Variants in CLHC1 observed in about 807,000 individuals in gnomAD.
CLHC1 encodes clathrin heavy chain linker domain-containing protein 1.
Under a neutral mutation model 69.5 loss-of-function variants are expected in CLHC1, and 72 were observed. The ratio of observed to expected loss-of-function variants is 1.04; its 90% CI spans 0.86 to 1.26. CLHC1 has a LOEUF of 1.26. Ranked by LOEUF, CLHC1 falls within the 50% of genes most tolerant of loss-of-function variation. CLHC1 has a pLI of 0.00. For missense variants in CLHC1, 790 were observed against 679.3 expected, an observed-to-expected ratio of 1.16 and a Z score of -1.81; for synonymous variants, 223 against 224.3, an observed-to-expected ratio of 0.99 and a Z score of 0.05.
intron 4 of CLHC1, among the ~76,000 whole-genome samples, chr2:55,213,562 T>C (rs926873003): frequency 2.6e-5 from 4 of 152,174 alleles, no homozygotes; most frequent in Non-Finnish European, 5.9e-5. Flanking sequence ...ACAGTAATTT[T>C]GATCCTAGAG....
chr2:55,229,424 C>T (rs777993985), intron 1 of CLHC1, among the ~76,000 whole-genome samples: 1 of 151,998 alleles, frequency 6.6e-6, no homozygotes, highest in African/African-American at 2.4e-5. Flanking sequence ...AGTCCAAAGG[C>T]CTCAGGGTGG....
At chr2:55,184,696 G>C (rs1670254305) in intron 9 of CLHC1, among the ~76,000 whole-genome samples, 2 of 152,030 alleles carry the variant, frequency 1.3e-5, no homozygotes, top group African/African-American at 4.8e-5. Context: ...CACAGGGTCA[G>C]GAGTTCGAGA....
At chr2:55,192,680 T>G (rs1390870690) in intron 9 of CLHC1, among the ~76,000 whole-genome samples, 1 of 152,026 alleles carries the variant, frequency 6.6e-6, no homozygotes, top group African/African-American at 2.4e-5. Context: ...CTCTAAATAT[T>G]TATAGTCAAT....
chr2:55,177,421 T>C lies in CLHC1; in HGVS notation c.1564+181A>G, dbSNP rs142139243. Among the ~76,000 whole-genome samples the C allele has an allele frequency of 1.6e-3, 244 of 152,326 alleles. 1 individual carries two copies. Among genetic ancestry groups the C allele is most frequent in the African/African-American group, 5.6e-3 (232 of 41,572 alleles). On this transcript the variant is annotated intron_variant, in intron 12 of 12. Coordinates refer to ENST00000401408, the MANE Select transcript of CLHC1 (RefSeq NM_152385.4). ...CCTTCATTCTAATTCTCTCAAGAAA[T>C]ATATCCTATTACCAATAGATTATTA...
chr2:55,222,971 C>A (rs1409488844), intron 2 of CLHC1, among the ~76,000 whole-genome samples: 1 of 149,472 alleles, frequency 6.7e-6, no homozygotes, highest in Admixed American at 6.7e-5. Context: ...CCATATGCTG[C>A]TGCTCTGGGA....
chr2:55,227,248 G>T lies in CLHC1; in HGVS notation c.-83+784C>A, dbSNP rs188139665. On this transcript the variant is annotated intron_variant, in intron 2 of 12. Coordinates refer to ENST00000401408, the MANE Select transcript of CLHC1 (RefSeq NM_152385.4). ...ATACATTTGTTTATTCATTCATTCA[G>T]TCAGTATTTATTGAGTGTCAACAAA... Among the ~76,000 whole-genome samples the T allele has an allele frequency of 2.6e-5, 4 of 152,056 alleles. No individual in the cohort carries two copies. The East Asian group carries it at 7.7e-4, about 29-fold the overall frequency.
Position 55,176,019 on chromosome 2 carries a change from C to T in CLHC1, c.1565-33G>A, listed in dbSNP as rs544032479. The T allele has an allele frequency of 4.6e-6, 7 of 1,511,552 alleles. 1 individual carries two copies. The highest frequency in any genetic ancestry group is 4.6e-5 in the South Asian group (4 of 87,264). The allele number at this position is 1,511,552 out of a possible 1,614,324, so 93.6% of individuals were successfully genotyped here. On this transcript the variant is annotated intron_variant, in intron 12 of 12. Transcript: ENST00000401408. ...GAAAAAATACAATATTATAGTATGG[C>T]ACTTATTTGATAATCTATACTTTAG...
intron 2 of CLHC1, among the ~76,000 whole-genome samples, chr2:55,223,030 T>C (rs921834413): frequency 1.3e-5 from 2 of 151,858 alleles, no homozygotes; most frequent in African/African-American, 2.4e-5. Context: ...TTGCTAACTA[T>C]GCACAACTCC....
chr2:55,209,430 T>A lies in CLHC1; in HGVS notation c.788A>T (p.Gln263Leu). The A allele has an allele frequency of 6.2e-7, 1 of 1,604,616 alleles. No homozygotes were observed. Among genetic ancestry groups the A allele is most frequent in the Non-Finnish European group, 8.5e-7 (1 of 1,176,678 alleles). The change falls in exon 7 of 13, where the codon CAA becomes CTA. Residue 263 changes from glutamine to leucine, a missense_variant. Transcript: ENST00000401408. Reference sequence around the variant, plus strand: ...TTGTAAATATTTGGTTTTCTGAATTTGCTCCACAAAGTCTTGAAATGGGCT... The same window carrying A: ...TTGTAAATATTTGGTTTTCTGAATTAGCTCCACAAAGTCTTGAAATGGGCT... ...MSSPFQDFVE[Q>L]IQKTKYLQGD... is the part of the protein sequence containing the mutation.
intron 12 of CLHC1, among the ~76,000 whole-genome samples, chr2:55,177,171 C>G (rs150990725): frequency 2.0e-5 from 3 of 152,242 alleles, no homozygotes; most frequent in African/African-American, 4.8e-5. Context: ...CTGCACCCAG[C>G]CTAATTAGTT....
chr2:55,187,457 A>G (rs1050934874), intron 9 of CLHC1, among the ~76,000 whole-genome samples: 4 of 151,958 alleles, frequency 2.6e-5, no homozygotes, highest in African/African-American at 9.7e-5. Flanking sequence ...TACCAAAAAT[A>G]CAAAAATTAA....
chr2:55,219,275 CTGTT>C (rs1392699717), intron 3 of CLHC1, among the ~76,000 whole-genome samples: 1 of 152,150 alleles, frequency 6.6e-6, no homozygotes, highest in Non-Finnish European at 1.5e-5. Flanking sequence ...GCTCCCAAGT[CTGTT>C]TGTTAGAAAA....
At chr2:55,223,248 T>C (rs918718109) in intron 2 of CLHC1, among the ~76,000 whole-genome samples, 1 of 152,282 alleles carries the variant, frequency 6.6e-6, no homozygotes, top group East Asian at 1.9e-4. Context: ...GTATTTATTT[T>C]TATAATAAAC....
intron 9 of CLHC1, among the ~76,000 whole-genome samples, chr2:55,191,396 T>C (rs1670913146): frequency 6.6e-6 from 1 of 152,060 alleles, no homozygotes; most frequent in Non-Finnish European, 1.5e-5. Context: ...CCACCATGCA[T>C]GGCTAATTTT....
intron 8 of CLHC1, chr2:55,206,682 C>A: frequency 3.8e-6 from 1 of 261,672 alleles, no homozygotes; most frequent in Non-Finnish European, 7.1e-6. Context: ...GAAGAAAGAA[C>A]TTGAATTTAT....
chr2:55,207,387 A>G (rs1425828573), intron 8 of CLHC1, among the ~76,000 whole-genome samples: 1 of 152,214 alleles, frequency 6.6e-6, no homozygotes, highest in Non-Finnish European at 1.5e-5. Flanking sequence ...CCACTAAAGT[A>G]ATATTAAGCA....
intron 4 of CLHC1, 115 bp from the exon 5 acceptor site, chr2:55,212,921 G>T: frequency 1.3e-6 from 1 of 748,102 alleles, no homozygotes; most frequent in Non-Finnish European, 2.2e-6. Context: ...TGGACTAGGT[G>T]AAATGCCCTG....
chr2:55,198,278 A>G (rs1324359899), intron 9 of CLHC1, among the ~76,000 whole-genome samples: 1 of 152,216 alleles, frequency 6.6e-6, no homozygotes, highest in African/African-American at 2.4e-5. Flanking sequence ...GATGGGGTAG[A>G]AAGTTTATTC....
intron 9 of CLHC1, among the ~76,000 whole-genome samples, chr2:55,189,447 G>T (rs1361455608): frequency 6.6e-6 from 1 of 152,204 alleles, no homozygotes; most frequent in African/African-American, 2.4e-5. Flanking sequence ...TCAAGTCATT[G>T]GACATAAGGC....
Sources: gnomAD v4.1 joint callset for allele counts (sites outside exome capture counted in the v4.1 genomes callset) on GRCh38, gnomAD v4.1.1 for gene constraint, MANE v1.5 for transcripts, NCBI Gene and HGNC (gene_info 2026-07-23, HGNC 2026-07-21) for gene names.